The following LRMDA variants were observed in gnomAD, a reference collection of about 807,000 sequenced individuals.
LRMDA encodes leucine rich melanocyte differentiation associated, also known as leucine-rich melanocyte differentiation-associated protein.
In LRMDA, 18 loss-of-function variants were observed where a neutral mutation model predicts 29.8. That is an observed-to-expected ratio of 0.60 (90% CI 0.42 to 0.90). The LOEUF (loss-of-function observed/expected upper bound fraction) is 0.90. Among genes scored for constraint, LRMDA ranks in the 40% least tolerant of loss-of-function variants. The pLI, the probability that LRMDA is intolerant of heterozygous loss-of-function variation, is 0.00. For synonymous variants in LRMDA, 125 were observed against 109.4 expected, an observed-to-expected ratio of 1.14 and a Z score of -0.89; for missense variants, 273 against 273.9, an observed-to-expected ratio of 1.00 and a Z score of 0.02.
intron 5 of LRMDA, among the ~76,000 whole-genome samples, chr10:76,138,798 C>T (rs1041524723): frequency 6.6e-6 from 1 of 152,056 alleles, no homozygotes; most frequent in Non-Finnish European, 1.5e-5. Flanking sequence ...TGTAAGTATG[C>T]TTGTGGCTTT....
intron 4 of LRMDA, among the ~76,000 whole-genome samples, chr10:76,053,338 G>GT (rs561481714): frequency 7.4e-4 from 113 of 152,284 alleles, no homozygotes; most frequent in Middle Eastern, 3.4e-3. Flanking sequence ...TAACTGAAAT[G>GT]TTTTATGTAC....
intron 5 of LRMDA, among the ~76,000 whole-genome samples, chr10:76,324,012 C>T (rs1040818952): frequency 6.6e-6 from 1 of 152,202 alleles, no homozygotes; most frequent in African/African-American, 2.4e-5. Flanking sequence ...AGAGCTTAAC[C>T]TCTTCACTAG....
chr10:76,504,605 G>C (rs1842941847), intron 6 of LRMDA, among the ~76,000 whole-genome samples: 1 of 151,982 alleles, frequency 6.6e-6, no homozygotes, highest in Non-Finnish European at 1.5e-5. Flanking sequence ...TTTAAAGTTT[G>C]TTTTATCTGA....
intron 2 of LRMDA, among the ~76,000 whole-genome samples, chr10:75,563,335 T>G (rs1840324958): frequency 6.6e-6 from 1 of 152,154 alleles, no homozygotes; most frequent in Non-Finnish European, 1.5e-5. Flanking sequence ...CTCCTGAGGC[T>G]TCTGCATTCT....
chr10:75,925,043 C>T (rs1846096364), intron 2 of LRMDA, among the ~76,000 whole-genome samples: 1 of 152,316 alleles, frequency 6.6e-6, no homozygotes, highest in East Asian at 1.9e-4. Context: ...GCCTCCTCTG[C>T]TGACCTTTCT....
rs1365863793 is a variant in LRMDA at position 76,559,824 on chromosome 10, A to G, written c.*2536A>G. On this transcript the variant is annotated 3_prime_UTR_variant, in exon 7 of 7. Transcript: ENST00000611255. ...ACATCACTGTCTTTCCTCCCCTAGG[A>G]CACTGACTTGAGTGGAGAGACCTCG... 1 of 152,186 alleles carries G rather than the reference A, an allele frequency of 6.6e-6. No homozygotes were observed. The allele number at this position is 152,186 out of a possible 1,614,324, so 9.4% of individuals were successfully genotyped here.
At chr10:76,106,407 G>T (rs1849485452) in intron 5 of LRMDA, among the ~76,000 whole-genome samples, 1 of 152,156 alleles carries the variant, frequency 6.6e-6, no homozygotes, top group Admixed American at 6.5e-5. Flanking sequence ...TATGGAGAAT[G>T]AACTCACAAA....
intron 6 of LRMDA, among the ~76,000 whole-genome samples, chr10:76,517,448 A>G (rs1843073404): frequency 6.6e-6 from 1 of 152,164 alleles, no homozygotes; most frequent in African/African-American, 2.4e-5. Context: ...ATATTTTCAG[A>G]GTGCTGAGAG....
At chr10:76,552,333 A>T (rs2132396722) in intron 6 of LRMDA, among the ~76,000 whole-genome samples, 1 of 152,306 alleles carries the variant, frequency 6.6e-6, no homozygotes, top group South Asian at 2.1e-4. Flanking sequence ...CAGCACTTCT[A>T]GCTGTATGAA....
chr10:75,462,185 A>T (rs1844594407), intron 2 of LRMDA, among the ~76,000 whole-genome samples: 3 of 152,250 alleles, frequency 2.0e-5, no homozygotes, highest in Admixed American at 2.0e-4. Flanking sequence ...GTGTCAGTTG[A>T]TATTCATATC....
chr10:76,270,115 C>T lies in LRMDA; in HGVS notation c.517-54286C>T, dbSNP rs183821534. On this transcript the variant is annotated intron_variant, in intron 5 of 6. Coordinates refer to ENST00000611255, the MANE Select transcript of LRMDA (RefSeq NM_001305581.2). ...TATCAATACAGCAGTGAAGATGACC[C>T]GCAGTCCCTACTCTTGTGGAGTTAA... is the stretch of plus-strand genomic sequence containing the variant. 8.7e-4 allele frequency: 132 copies of T among 152,326 alleles called. 1 individual carries two copies. Among genetic ancestry groups the T allele is most frequent in the African/African-American group, 3.1e-3 (130 of 41,570 alleles). 9.4% of individuals were successfully genotyped at this position (152,326 alleles called of 1,614,324 possible).
chr10:75,460,013 C>A (rs1362774228), intron 2 of LRMDA, among the ~76,000 whole-genome samples: 1 of 152,178 alleles, frequency 6.6e-6, no homozygotes, highest in Non-Finnish European at 1.5e-5. Flanking sequence ...AACCATAGCA[C>A]TGGGTTTGGT....
intron 5 of LRMDA, among the ~76,000 whole-genome samples, chr10:76,144,228 GAAAGCC>G (rs1164986024): frequency 1.3e-5 from 2 of 152,216 alleles, no homozygotes; most frequent in African/African-American, 2.4e-5. Context: ...ATTCTGTGAA[GAAAGCC>G]ATTGGTAGCT....
chr10:75,794,945 A>ATTTTTTTTTTT (rs71024565), intron 2 of LRMDA, among the ~76,000 whole-genome samples: 1 of 147,520 alleles, frequency 6.8e-6, no homozygotes. Flanking sequence ...CCTATTTATC[A>ATTTTTTTTTTT]TTTTTTTTTT....
At chr10:75,432,069 G>A (rs1467366296) in intron 1 of LRMDA, among the ~76,000 whole-genome samples, 3 of 152,188 alleles carry the variant, frequency 2.0e-5, no homozygotes, top group Non-Finnish European at 2.9e-5. Context: ...GCTTTTGGGG[G>A]CCCACAGAAA....
rs1376635809 is a variant in LRMDA at position 75,859,636 on chromosome 10, CACACACACACAT to C, written c.132-176368_132-176357del. Among the ~76,000 whole-genome samples, 570 of 150,394 alleles carry C rather than the reference CACACACACACAT, an allele frequency of 3.8e-3. 5 individuals are homozygous for C. Among genetic ancestry groups the C allele is most frequent in the African/African-American group, 0.012 (499 of 40,446 alleles). On this transcript the variant is annotated intron_variant, in intron 2 of 6. Coordinates refer to ENST00000611255, the MANE Select transcript of LRMDA (RefSeq NM_001305581.2). Reference sequence around the variant, plus strand: ...ACACACACACACACACACACACACACACACACACACATACATCTGGCCTCGATGCCTCATACA... The same window carrying C: ...ACACACACACACACACACACACACACACATCTGGCCTCGATGCCTCATACA...
chr10:76,051,188 C>T (rs977599923), intron 4 of LRMDA, among the ~76,000 whole-genome samples: 17 of 152,238 alleles, frequency 1.1e-4, no homozygotes, highest in Non-Finnish European at 2.5e-4. Context: ...AGCTGTAAAA[C>T]TTGTGGCTTA....
At chr10:75,762,856 AACCTCAAAGTAATCTGTTC>A (rs1461241340) in intron 2 of LRMDA, among the ~76,000 whole-genome samples, 1 of 152,178 alleles carries the variant, frequency 6.6e-6, no homozygotes, top group African/African-American at 2.4e-5. Flanking sequence ...TTATCACAGA[AACCTCAAAGTAATCTGTTC>A]ACCCACTTTC....
At chr10:76,140,155 A>G (rs2132148689) in intron 5 of LRMDA, among the ~76,000 whole-genome samples, 1 of 152,256 alleles carries the variant, frequency 6.6e-6, no homozygotes, top group East Asian at 1.9e-4. Flanking sequence ...TGAGCTGATT[A>G]TTTGGAGGTC....
Sources: allele counts gnomAD v4.1 joint callset (sites outside exome capture counted in the v4.1 genomes callset), GRCh38; gene constraint gnomAD v4.1.1; transcripts MANE v1.5; gene names NCBI Gene and HGNC (gene_info 2026-07-23, HGNC 2026-07-21).